TM9SF2: variants seen among roughly 807,000 people sequenced by gnomAD.
The protein encoded by TM9SF2 is 76 kDa membrane protein.
In TM9SF2, 13 loss-of-function variants were observed where a neutral mutation model predicts 84.9. The observed-to-expected ratio is 0.15, with a 90% confidence interval of 0.10 to 0.24. The LOEUF (loss-of-function observed/expected upper bound fraction) is 0.24, where lower values mean the gene tolerates loss of function less well. Ranked by LOEUF, TM9SF2 falls within the 10% of genes least tolerant of loss-of-function variation. The probability of loss-of-function intolerance (pLI) is 1.00; values close to 1 mark genes in which losing one functional copy is unlikely to be tolerated. For synonymous variants in TM9SF2, 273 were observed against 285.8 expected (o/e 0.96, Z 0.45); for missense variants, 562 against 818.5 (o/e 0.69, Z 3.82).
At chr13:99,551,003 G>T (rs1216943559) in intron 12 of TM9SF2, among the ~76,000 whole-genome samples, 1 of 152,126 alleles carries the variant, frequency 6.6e-6, no homozygotes, top group Non-Finnish European at 1.5e-5. Flanking sequence ...CATTTTAACT[G>T]TAAAACTTGT....
Position 99,501,528 on chromosome 13 carries a change from T to A in TM9SF2, c.-79T>A. The A allele has an allele frequency of 6.5e-7, 1 of 1,531,896 alleles. No individual in the cohort carries two copies. The highest frequency in any genetic ancestry group is 8.8e-7 in the Non-Finnish European group (1 of 1,135,708). 94.9% of individuals were successfully genotyped at this position (1,531,896 alleles called of 1,614,324 possible). On this transcript the variant is annotated 5_prime_UTR_variant, in exon 1 of 17. Coordinates refer to ENST00000376387, the MANE Select transcript of TM9SF2 (RefSeq NM_004800.3). ...GCTTCCTTTATCTCTGGCGGCCTTGTAGTCGTCTCCGAGACTCCCCACCCC... is the reference window on the plus strand; with the variant it reads ...GCTTCCTTTATCTCTGGCGGCCTTGAAGTCGTCTCCGAGACTCCCCACCCC...
In TM9SF2 at chr13:99,563,013, T is replaced by C. The variant is rs1036991516; in HGVS notation, c.*255T>C. 17 of 343,496 alleles carry C rather than the reference T, an allele frequency of 4.9e-5. No individual in the cohort carries two copies. Among genetic ancestry groups the C allele is most frequent in the Non-Finnish European group, 8.4e-5 (16 of 190,380 alleles). 21.3% of individuals were successfully genotyped at this position (343,496 alleles called of 1,614,324 possible). ...CAATGAAGAGCAAATTTAAATATTATGTGCATTTGTAAATACAGTAGCTAT... is the reference window on the plus strand; with the variant it reads ...CAATGAAGAGCAAATTTAAATATTACGTGCATTTGTAAATACAGTAGCTAT... On this transcript the variant is annotated 3_prime_UTR_variant, in exon 17 of 17. Transcript: ENST00000376387.
intron 4 of TM9SF2, among the ~76,000 whole-genome samples, chr13:99,534,212 C>A (rs1035279940): frequency 2.6e-4 from 40 of 152,082 alleles, no homozygotes; most frequent in African/African-American, 9.4e-4. Flanking sequence ...AGAGTACTTA[C>A]CATTTCTTAG....
chr13:99,516,315 A>T (rs2046134482), intron 1 of TM9SF2, among the ~76,000 whole-genome samples: 4 of 152,226 alleles, frequency 2.6e-5, no homozygotes, highest in African/African-American at 9.7e-5. Flanking sequence ...GACTGTTGAC[A>T]GCACTAGTAA....
chr13:99,561,374 A>G (rs2046344367), intron 16 of TM9SF2, among the ~76,000 whole-genome samples: 1 of 152,196 alleles, frequency 6.6e-6, no homozygotes, highest in Admixed American at 6.5e-5. Flanking sequence ...AGTTTCTTAG[A>G]GTTGCCTGGA....
chr13:99,533,400 T>G lies in TM9SF2; in HGVS notation c.462-3208T>G, dbSNP rs117068288. On this transcript the variant is annotated intron_variant, in intron 4 of 16. Transcript: ENST00000376387. ...GAAAAGGGTGTGTCCCTTTTTAAAA[T>G]AATGCAACTAAAATATTGTACACGT... Among the ~76,000 whole-genome samples the G allele has an allele frequency of 1.4e-3, 212 of 152,332 alleles. 4 individuals are homozygous for G. In the East Asian group the frequency reaches 0.032, roughly 23 times the overall value.
chr13:99,518,580 A>G (rs1310399490), intron 2 of TM9SF2, among the ~76,000 whole-genome samples: 4 of 151,974 alleles, frequency 2.6e-5, no homozygotes, highest in African/African-American at 7.2e-5. Flanking sequence ...CTATTTACCA[A>G]CATTTGATTA....
In TM9SF2 at chr13:99,562,986, C is replaced by G; in HGVS notation, c.*228C>G. 2.5e-6 allele frequency: 1 copy of G among 396,328 alleles called. No individual in the cohort carries two copies. Among genetic ancestry groups the G allele is most frequent in the South Asian group, 5.5e-5 (1 of 18,038 alleles). The allele number at this position is 396,328 out of a possible 1,614,324, so 24.6% of individuals were successfully genotyped here. ...TTGATTAAGTATATATTTGGTTGTT[C>G]TCAATGAAGAGCAAATTTAAATATT... On this transcript the variant is annotated 3_prime_UTR_variant, in exon 17 of 17. Transcript: ENST00000376387.
At chr13:99,559,306 C>A in intron 15 of TM9SF2, 57 bp from the exon 16 acceptor site, 1 of 1,444,734 alleles carries the variant, frequency 6.9e-7, no homozygotes, top group Non-Finnish European at 9.3e-7. Context: ...CCTTAGTAAG[C>A]TACATCTTAT....
intron 15 of TM9SF2, 79 bp downstream of exon 15, chr13:99,555,726 A>C: frequency 1.2e-6 from 1 of 860,692 alleles, no homozygotes; most frequent in Non-Finnish European, 1.8e-6. Flanking sequence ...TTATTAATTA[A>C]AATAATTTCT....
At chr13:99,549,306 C>T in intron 12 of TM9SF2, 84 bp downstream of exon 12, 8 of 1,052,902 alleles carry the variant, frequency 7.6e-6, no homozygotes, top group South Asian at 2.7e-5. Context: ...TTTAATCCTC[C>T]GTGTCTCTAA....
At chr13:99,546,093 A>T (rs2046281212) in intron 10 of TM9SF2, among the ~76,000 whole-genome samples, 1 of 152,196 alleles carries the variant, frequency 6.6e-6, no homozygotes, top group Admixed American at 6.5e-5. Context: ...GAAATCTTGT[A>T]CATCTTCTAA....
At chr13:99,533,986 T>C (rs2046222928) in intron 4 of TM9SF2, among the ~76,000 whole-genome samples, 1 of 152,140 alleles carries the variant, frequency 6.6e-6, no homozygotes, top group Admixed American at 6.6e-5. Flanking sequence ...TTATTCTTAT[T>C]TGGGGCTTTA....
chr13:99,558,947 A>G (rs1057080846), intron 15 of TM9SF2, among the ~76,000 whole-genome samples: 1 of 152,200 alleles, frequency 6.6e-6, no homozygotes, highest in Non-Finnish European at 1.5e-5. Context: ...TTGGATTCCA[A>G]CCAGGCCTTA....
At chr13:99,540,875 C>A in intron 8 of TM9SF2, 82 bp downstream of exon 8, 1 of 1,252,032 alleles carries the variant, frequency 8.0e-7, no homozygotes, top group Non-Finnish European at 1.1e-6. Flanking sequence ...CTCTCAAATC[C>A]TCTCTACTTT....
intron 3 of TM9SF2, among the ~76,000 whole-genome samples, chr13:99,527,237 T>G: frequency 6.6e-6 from 1 of 152,242 alleles, no homozygotes; most frequent in South Asian, 2.1e-4. Context: ...GTCCTGCCCA[T>G]TAGTCCTAGT....
intron 8 of TM9SF2, 72 bp downstream of exon 8, chr13:99,540,865 C>A: frequency 7.8e-7 from 1 of 1,274,358 alleles, no homozygotes; most frequent in African/African-American, 1.5e-5. Context: ...ATCTCATTTA[C>A]TCTCAAATCC....
In TM9SF2 at chr13:99,536,754, C is replaced by A; in HGVS notation, c.591+17C>A. 1 of 1,608,832 alleles carries A rather than the reference C, an allele frequency of 6.2e-7. No individual in the cohort carries two copies. Among genetic ancestry groups the A allele is most frequent in the East Asian group, 2.2e-5 (1 of 44,706 alleles). On this transcript the variant is annotated intron_variant, in intron 5 of 16. Coordinates refer to ENST00000376387, the MANE Select transcript of TM9SF2 (RefSeq NM_004800.3). ...GTTATTAGTGTAAGTTCATGATAAACTCTTTGCTGCTTTTTAAAACATGGC... is the reference window on the plus strand; with the variant it reads ...GTTATTAGTGTAAGTTCATGATAAAATCTTTGCTGCTTTTTAAAACATGGC...
At chr13:99,562,306 AT>A (rs1406408140) in intron 16 of TM9SF2, among the ~76,000 whole-genome samples, 1 of 152,232 alleles carries the variant, frequency 6.6e-6, no homozygotes, top group Non-Finnish European at 1.5e-5. Flanking sequence ...CCATTTAATC[AT>A]TATTTGAACC....
Sources: allele counts gnomAD v4.1 joint callset (sites outside exome capture counted in the v4.1 genomes callset), GRCh38; gene constraint gnomAD v4.1.1; transcripts MANE v1.5; gene names NCBI Gene and HGNC (gene_info 2026-07-23, HGNC 2026-07-21).